BTBD9: variants seen among roughly 807,000 people sequenced by gnomAD.
BTBD9 encodes BTB domain containing 9.
Under a neutral mutation model 64.3 loss-of-function variants are expected in BTBD9, and 49 were observed. The ratio of observed to expected loss-of-function variants is 0.76; its 90% CI spans 0.61 to 0.97. The LOEUF is 0.97. BTBD9 is among the 50% of genes least tolerant of loss of function. The pLI, the probability that BTBD9 is intolerant of heterozygous loss-of-function variation, is 0.00. For missense variants in BTBD9, 598 were observed against 762.1 expected, an observed-to-expected ratio of 0.78 and a Z score of 2.53; for synonymous variants, 260 against 274.7, an observed-to-expected ratio of 0.95 and a Z score of 0.53.
chr6:38,475,045 C>T (rs952431310), intron 6 of BTBD9, among the ~76,000 whole-genome samples: 1 of 151,920 alleles, frequency 6.6e-6, no homozygotes, highest in Non-Finnish European at 1.5e-5. Context: ...ATACACCCCT[C>T]GAAAATGTTT....
intron 7 of BTBD9, among the ~76,000 whole-genome samples, chr6:38,332,284 C>T (rs1351445706): frequency 6.6e-6 from 1 of 152,194 alleles, no homozygotes; most frequent in Non-Finnish European, 1.5e-5. Context: ...TTTCCTACAG[C>T]TCTTTTGGAG....
At chr6:38,193,988 C>A in intron 9 of BTBD9, 1 of 727,146 alleles carries the variant, frequency 1.4e-6, no homozygotes, top group Non-Finnish European at 1.7e-6. Context: ...AAAGAAAAAT[C>A]ACTGTCTCCA....
chr6:38,355,492 T>C (rs1764690038), intron 6 of BTBD9, among the ~76,000 whole-genome samples: 1 of 152,194 alleles, frequency 6.6e-6, no homozygotes, highest in South Asian at 2.1e-4. Flanking sequence ...ACAGCATTAG[T>C]GCTAAGCCAG....
chr6:38,553,806 C>T (rs1015191343), intron 6 of BTBD9, among the ~76,000 whole-genome samples: 1 of 151,764 alleles, frequency 6.6e-6, no homozygotes, highest in East Asian at 1.9e-4. Context: ...TGAGCTATGA[C>T]CATGCCACTG....
chr6:38,559,886 T>C (rs918633022), intron 6 of BTBD9, among the ~76,000 whole-genome samples: 2 of 152,122 alleles, frequency 1.3e-5, no homozygotes, highest in Non-Finnish European at 2.9e-5. Context: ...TGCAGAAAAA[T>C]GAAACTGGAC....
chr6:38,253,829 C>G (rs1426086832), intron 9 of BTBD9, among the ~76,000 whole-genome samples: 1 of 151,866 alleles, frequency 6.6e-6, no homozygotes, highest in Non-Finnish European at 1.5e-5. Flanking sequence ...CGGTACAGTC[C>G]TCTTTAGCAG....
intron 9 of BTBD9, among the ~76,000 whole-genome samples, chr6:38,197,165 T>C (rs1435168547): frequency 6.6e-6 from 1 of 152,138 alleles, no homozygotes; most frequent in Non-Finnish European, 1.5e-5. Context: ...TTACAAAGTG[T>C]CTTAGAGTCG....
chr6:38,598,604 C>T (rs1049032238), intron 1 of BTBD9, among the ~76,000 whole-genome samples: 2 of 152,058 alleles, frequency 1.3e-5, no homozygotes, highest in Non-Finnish European at 2.9e-5. Context: ...ACGAAACCAT[C>T]TCAAATATTT....
intron 10 of BTBD9, among the ~76,000 whole-genome samples, chr6:38,183,188 G>C (rs1165671075): frequency 3.3e-5 from 5 of 152,162 alleles, no homozygotes; most frequent in Admixed American, 6.5e-5. Flanking sequence ...CACCGTGTTA[G>C]CCAGGATGGT....
chr6:38,306,869 T>C (rs1186230345), intron 7 of BTBD9, among the ~76,000 whole-genome samples: 2 of 152,254 alleles, frequency 1.3e-5, no homozygotes, highest in Non-Finnish European at 2.9e-5. Flanking sequence ...TCAAACACTG[T>C]GCTCTGCTGG....
At chr6:38,198,169 G>A (rs1014742) in intron 9 of BTBD9, among the ~76,000 whole-genome samples, 144,235 of 152,370 alleles carry the variant, frequency 0.95, 68,362 homozygotes, top group African/African-American at 0.99. Flanking sequence ...AAGAGACAGA[G>A]GAGGAGAAAG....
intron 2 of BTBD9, among the ~76,000 whole-genome samples, chr6:38,597,578 A>C (rs1582695738): frequency 6.6e-6 from 1 of 152,194 alleles, no homozygotes; most frequent in East Asian, 1.9e-4. Context: ...ATGCAAAAAG[A>C]AGCTTTAGTC....
rs532105893 is a variant in BTBD9, at chr6:38,634,265, G to C, written c.-28+5535C>G. 3.9e-5 allele frequency among the ~76,000 whole-genome samples: 6 copies of C among 152,212 alleles called. No homozygotes were observed. The East Asian group carries it at 9.7e-4, about 25-fold the overall frequency. On this transcript the variant is annotated intron_variant, in intron 1 of 10. Coordinates refer to ENST00000481247, the MANE Select transcript of BTBD9 (RefSeq NM_001099272.2). ...CTCCCTTATAACTTCCTCTCACTAG[G>C]ACTAACATGTGTGCTATATGCCAAA...
chr6:38,543,270 C>G (rs182226513), intron 6 of BTBD9, among the ~76,000 whole-genome samples: 125 of 152,340 alleles, frequency 8.2e-4, no homozygotes, highest in African/African-American at 2.8e-3. Context: ...AGCCTATAAC[C>G]CACCCTCACC....
At chr6:38,210,535 T>TG (rs1491239904) in intron 9 of BTBD9, among the ~76,000 whole-genome samples, 25 of 88,232 alleles carry the variant, frequency 2.8e-4, no homozygotes, top group African/African-American at 9.2e-4. Flanking sequence ...AGTGCGTGTG[T>TG]TTGTGTGTGT....
At chr6:38,596,659 A>G (rs1442986568) in intron 2 of BTBD9, among the ~76,000 whole-genome samples, 1 of 151,916 alleles carries the variant, frequency 6.6e-6, no homozygotes, top group Non-Finnish European at 1.5e-5. Flanking sequence ...AAATTAGCCG[A>G]GCGTGGTGGC....
chr6:38,267,613 T>C (rs767344581), intron 8 of BTBD9, among the ~76,000 whole-genome samples: 15 of 152,174 alleles, frequency 9.9e-5, no homozygotes, highest in Admixed American at 1.3e-4. Context: ...CCCAGCACAA[T>C]GCCTTACACA....
chr6:38,445,071 G>A (rs911208377), intron 6 of BTBD9, among the ~76,000 whole-genome samples: 2 of 152,128 alleles, frequency 1.3e-5, no homozygotes, highest in African/African-American at 4.8e-5. Context: ...AGACCCTCTA[G>A]AGCTCTTTTT....
Position 38,345,005 on chromosome 6 carries a change from T to C in BTBD9, c.1243A>G (p.Thr415Ala). 1 of 1,604,972 alleles carries C rather than the reference T, an allele frequency of 6.2e-7. No individual in the cohort carries two copies. Among genetic ancestry groups the C allele is most frequent in the East Asian group, 2.2e-5 (1 of 44,760 alleles). ...FECMFTNKTF[T>A]LEKGLIVPME... ...TTACCTATCAGCCCCTTCTCAAGAG[T>C]GAAGGTTTTGTTTGTAAACATACAT... The change falls in exon 7 of 11, where the codon ACT (threonine) becomes GCT (alanine). Residue 415 changes from threonine (T) to alanine (A), a missense_variant. By Grantham distance (58) the Thr-to-Ala change is moderately conservative. Transcript: ENST00000481247.
Sources: gnomAD v4.1 joint callset for allele counts (sites outside exome capture counted in the v4.1 genomes callset) on GRCh38, gnomAD v4.1.1 for gene constraint, MANE v1.5 for transcripts, NCBI Gene and HGNC (gene_info 2026-07-23, HGNC 2026-07-21) for gene names.